The following SAMD5 variants were observed in gnomAD, a reference collection of about 807,000 sequenced individuals.
The protein encoded by SAMD5 is sterile alpha motif domain-containing protein 5.
A neutral mutation model predicts 11.3 loss-of-function variants in SAMD5; 13 were observed. The observed-to-expected ratio is 1.15, with a 90% CI of 0.75 to 1.83. The LOEUF (loss-of-function observed/expected upper bound fraction) is 1.83, where lower values mean the gene tolerates loss of function less well. Ranked by LOEUF, SAMD5 falls within the 40% of genes most tolerant of loss-of-function variation. SAMD5 has a pLI of 0.00. For missense variants in SAMD5, 255 were observed against 239.1 expected, an observed-to-expected ratio of 1.07 and a Z score of -0.44; for synonymous variants, 129 against 111.3, an observed-to-expected ratio of 1.16 and a Z score of -1.00.
Position 147,509,111 on chromosome 6 carries a change from G to T in SAMD5, c.183G>T (p.Arg61=). Residue 61 remains arginine, a synonymous_variant, in exon 1 of 2, where the codon CGG becomes CGT. Transcript: ENST00000367474. The part of the protein sequence containing the change: ...HRRRILEAVR[R]LREQDANAAG... ...GCCGTATCCTGGAGGCCGTGCGCCGGCTGCGGGAGCAGGACGCCAACGCCG... is the reference window on the plus strand; with the variant it reads ...GCCGTATCCTGGAGGCCGTGCGCCGTCTGCGGGAGCAGGACGCCAACGCCG... 2 of 1,583,152 alleles carry T rather than the reference G, an allele frequency of 1.3e-6. No individual in the cohort carries two copies. Among genetic ancestry groups the T allele is most frequent in the Non-Finnish European group, 1.7e-6 (2 of 1,166,728 alleles).
chr6:147,919,259 G>A, the SAMD5 span, among the ~76,000 whole-genome samples: 1 of 152,284 alleles, frequency 6.6e-6, no homozygotes, highest in East Asian at 1.9e-4. Flanking sequence ...CAAAAATCTA[G>A]AGACTTCACA....
intron 1 of SAMD5, among the ~76,000 whole-genome samples, chr6:147,575,075 A>G (rs1789198914): frequency 6.6e-6 from 1 of 152,250 alleles, no homozygotes. Flanking sequence ...TTATTTCTAC[A>G]TAGATATTTA....
In SAMD5 at chr6:147,508,912, G is replaced by T; in HGVS notation, c.-17G>T. The T allele has an allele frequency of 6.3e-7, 1 of 1,584,822 alleles. No individual in the cohort carries two copies. Among genetic ancestry groups the T allele is most frequent in the South Asian group, 1.1e-5 (1 of 87,260 alleles). ...GGCGCTGGGAAGGTGCTCGGCGGCGGGGTTCCCGGTCCCACCATGTGCACC... is the reference window on the plus strand; with the variant it reads ...GGCGCTGGGAAGGTGCTCGGCGGCGTGGTTCCCGGTCCCACCATGTGCACC... On this transcript the variant is annotated 5_prime_UTR_variant, in exon 1 of 2. Transcript: ENST00000367474.
chr6:147,915,441 A>G, the SAMD5 span, among the ~76,000 whole-genome samples: 2 of 152,204 alleles, frequency 1.3e-5, no homozygotes, highest in East Asian at 3.9e-4. Flanking sequence ...AAGACAAATG[A>G]GTTTGAATAC....
the SAMD5 span, among the ~76,000 whole-genome samples, chr6:147,799,279 C>G: frequency 6.6e-6 from 1 of 151,938 alleles, no homozygotes; most frequent in African/African-American, 2.4e-5. Context: ...GACAAAATCT[C>G]TCAGCATTTG....
At chr6:147,591,228 C>T (rs1789449124) in intron 1 of SAMD5, among the ~76,000 whole-genome samples, 1 of 152,026 alleles carries the variant, frequency 6.6e-6, no homozygotes, top group South Asian at 2.1e-4. Flanking sequence ...ACAGAATGCT[C>T]ATATTGATAA....
chr6:147,830,499 C>T, the SAMD5 span, among the ~76,000 whole-genome samples: 3 of 151,852 alleles, frequency 2.0e-5, no homozygotes, highest in South Asian at 2.1e-4. Flanking sequence ...TCAAATGATC[C>T]GCCGCCTCAG....
intron 1 of SAMD5, among the ~76,000 whole-genome samples, chr6:147,516,644 G>A (rs609963): frequency 0.47 from 71,712 of 152,020 alleles, 19,678 homozygotes; most frequent in African/African-American, 0.77. Context: ...TGCTGTCAGG[G>A]TCTTTCACAA....
In SAMD5 at chr6:147,692,027, T is replaced by C. The variant is rs892188592; in HGVS notation, c.163-45290T>C. Among the ~76,000 whole-genome samples the C allele has an allele frequency of 3.3e-5, 5 of 152,224 alleles. 1 individual carries two copies. Among genetic ancestry groups the C allele is most frequent in the East Asian group, 1.9e-4 (1 of 5,176 alleles). ...ATTGAGTGCCAGGTACTAAACATGA[T>C]TTGTCCACATTATCTCACTTGATTC... On this transcript the variant is annotated intron_variant, in intron 1 of 1. Transcript: ENST00000566741.
chr6:147,755,202 T>G, the SAMD5 span, among the ~76,000 whole-genome samples: 1 of 152,156 alleles, frequency 6.6e-6, no homozygotes, highest in Non-Finnish European at 1.5e-5. Context: ...CATGGAATAT[T>G]TTTTATTTTT....
intron 1 of SAMD5, among the ~76,000 whole-genome samples, chr6:147,545,867 TAACATTAA>T (rs367860665): frequency 6.6e-6 from 1 of 152,216 alleles, no homozygotes; most frequent in African/African-American, 2.4e-5. Flanking sequence ...GAATTTCTTG[TAACATTAA>T]TTAAATTTGA....
chr6:147,689,819 G>A (rs73014019), intron 1 of SAMD5, among the ~76,000 whole-genome samples: 17,442 of 152,226 alleles, frequency 0.11, 1,097 homozygotes, highest in Middle Eastern at 0.16. Flanking sequence ...GGATATGGCA[G>A]ATTCACAGGG....
intron 1 of SAMD5, among the ~76,000 whole-genome samples, chr6:147,652,979 G>A (rs1269523248): frequency 6.6e-6 from 1 of 152,078 alleles, no homozygotes; most frequent in Non-Finnish European, 1.5e-5. Context: ...CAGAGACTAA[G>A]CCAACCTTCC....
the SAMD5 span, among the ~76,000 whole-genome samples, chr6:147,807,473 A>C: frequency 6.6e-6 from 1 of 152,224 alleles, no homozygotes; most frequent in Admixed American, 6.5e-5. Context: ...ATGAATACAG[A>C]GAGGAACTTT....
At chr6:147,730,081 AAAAAAAAAAAAG>A (rs1312763956) in intron 1 of SAMD5, 1 of 437,302 alleles carries the variant, frequency 2.3e-6, no homozygotes, top group African/African-American at 2.1e-5. Context: ...TCTCAAAAAA[AAAAAAAAAAAAG>A]AAAAGAAAAA....
chr6:147,818,973 C>G, the SAMD5 span, among the ~76,000 whole-genome samples: 1 of 152,154 alleles, frequency 6.6e-6, no homozygotes, highest in Non-Finnish European at 1.5e-5. Flanking sequence ...AATCTCATTA[C>G]TAGGTATATA....
chr6:147,949,537 T>C, the SAMD5 span, among the ~76,000 whole-genome samples: 55 of 152,342 alleles, frequency 3.6e-4, 1 homozygote, highest in East Asian at 0.01. Context: ...TCCTAATTTC[T>C]ATCACGCTAC....
Position 147,564,511 on chromosome 6 carries a change from G to A in SAMD5, c.*55G>A, listed in dbSNP as rs1554233109. On this transcript the variant is annotated 3_prime_UTR_variant, in exon 2 of 2. Coordinates refer to ENST00000367474, the MANE Select transcript of SAMD5 (RefSeq NM_001030060.3). ...GATGAGGTGCCTGAAGACTGGAAAA[G>A]GGCATATTTAGAACCTTCTTTCAAA... is the stretch of plus-strand genomic sequence containing the variant. The A allele has an allele frequency of 2.4e-6, 2 of 848,648 alleles. No homozygotes were observed. Among genetic ancestry groups the A allele is most frequent in the Non-Finnish European group, 4.1e-6 (2 of 483,870 alleles). 52.6% of individuals were successfully genotyped at this position (848,648 alleles called of 1,614,324 possible).
intron 1 of SAMD5, among the ~76,000 whole-genome samples, chr6:147,706,730 G>A (rs1791329986): frequency 6.6e-6 from 1 of 152,142 alleles, no homozygotes; most frequent in Non-Finnish European, 1.5e-5. Flanking sequence ...CTATATGCAG[G>A]GAGTCTTGCA....
Sources: gnomAD v4.1 joint callset for allele counts (sites outside exome capture counted in the v4.1 genomes callset) on GRCh38, gnomAD v4.1.1 for gene constraint, MANE v1.5 for transcripts, NCBI Gene and HGNC (gene_info 2026-07-23, HGNC 2026-07-21) for gene names.